The following ENOSF1 variants were observed in gnomAD, a reference collection of about 807,000 sequenced individuals.
ENOSF1 encodes the protein enolase superfamily member 1.
A neutral mutation model predicts 68.2 loss-of-function variants in ENOSF1; 73 were observed. The observed-to-expected ratio is 1.07, with a 90% CI of 0.89 to 1.30. The LOEUF is 1.30. Among genes scored for constraint, ENOSF1 ranks in the 50% most tolerant of loss-of-function variants. The pLI is 0.00. For missense variants in ENOSF1, 589 were observed against 554.5 expected, an observed-to-expected ratio of 1.06 and a Z score of -0.62; for synonymous variants, 223 against 210.4, an observed-to-expected ratio of 1.06 and a Z score of -0.52.
At chr18:666,511 A>G (rs1442957208), downstream of ENOSF1, among the ~76,000 whole-genome samples, 2 of 152,102 alleles carry the variant, frequency 1.3e-5, no homozygotes, top group African/African-American at 4.8e-5. Context: ...ACCTGTCCCT[A>G]GGAAAAGCAG....
rs2074989775 is a variant in ENOSF1, at chr18:670,494, C to A, written c.*3811G>T. 1.7e-6 allele frequency: 1 copy of A among 585,484 alleles called. No individual in the cohort carries two copies. The highest frequency in any genetic ancestry group is 3.0e-6 in the Non-Finnish European group (1 of 332,280). 36.3% of individuals were successfully genotyped at this position (585,484 alleles called of 1,614,324 possible). On this transcript the variant is annotated 3_prime_UTR_variant, in exon 16 of 16. Coordinates refer to ENST00000647584, the MANE Select transcript of ENOSF1 (RefSeq NM_017512.7). ...AGCCGTAAATGGACACCTGCAGAAA[C>A]CTTGCACCGATGGATAGTCTCCCTC...
At chr18:678,372 G>C in intron 12 of ENOSF1, 1 of 434,240 alleles carries the variant, frequency 2.3e-6, no homozygotes, top group Non-Finnish European at 4.1e-6. Context: ...ACGCAGTCAT[G>C]TTTATTCAAT....
downstream of ENOSF1, among the ~76,000 whole-genome samples, chr18:668,917 A>T (rs1264448942): frequency 6.6e-6 from 1 of 152,188 alleles, no homozygotes; most frequent in African/African-American, 2.4e-5. Flanking sequence ...CAACCCACCG[A>T]GATCTGCAAA....
chr18:664,634 G>C, the ENOSF1 span, among the ~76,000 whole-genome samples: 70,421 of 135,692 alleles, frequency 0.52, 19,551 homozygotes, highest in African/African-American at 0.75. Context: ...TGCCCATTCA[G>C]TATGATATTG....
chr18:665,127 G>A, the ENOSF1 span, among the ~76,000 whole-genome samples: 1 of 149,784 alleles, frequency 6.7e-6, no homozygotes, highest in African/African-American at 2.5e-5. Context: ...GGTAGAATTC[G>A]GCTGTGAATC....
In ENOSF1 at chr18:671,270, T is replaced by A. The variant is rs542006708; in HGVS notation, c.*3035A>T. On this transcript the variant is annotated 3_prime_UTR_variant, in exon 16 of 16. Coordinates refer to ENST00000647584, the MANE Select transcript of ENOSF1 (RefSeq NM_017512.7). ...AAAAAAATGGAAAAGCTACACTAAATTATTTTTTTAAAAAAAGCCTTGCGG... is the reference window on the plus strand; with the variant it reads ...AAAAAAATGGAAAAGCTACACTAAAATATTTTTTTAAAAAAAGCCTTGCGG... The A allele has an allele frequency of 1.6e-5, 13 of 802,774 alleles. No homozygotes were observed. The highest frequency in any genetic ancestry group is 2.8e-5 in the Non-Finnish European group (13 of 464,410). The allele number at this position is 802,774 out of a possible 1,614,324, so 49.7% of individuals were successfully genotyped here. A position where few individuals can be genotyped will look rare whatever the true frequency, so the allele number is the denominator to read the frequency against.
At chr18:686,446 A>G (rs1473036825) in intron 9 of ENOSF1, 3 of 167,308 alleles carry the variant, frequency 1.8e-5, no homozygotes, top group East Asian at 1.6e-4. Flanking sequence ...ACTCAGTGAG[A>G]GGAAGGCCAC....
In ENOSF1 at chr18:685,783, G is replaced by A. The variant is rs572195572; in HGVS notation, c.741+138C>T. On this transcript the variant is annotated intron_variant, in intron 10 of 15. Transcript: ENST00000647584. ...CCTTTGCTTATTTTTGTTTGAGCTC[G>A]CCTACTGCAAGACCACAGAAGTGTA... 680 of 683,392 alleles carry A rather than the reference G, an allele frequency of 1.0e-3. 10 individuals carry two copies. In the South Asian group the frequency reaches 0.012, roughly 12 times the overall value. 42.3% of individuals were successfully genotyped at this position (683,392 alleles called of 1,614,324 possible).
At chr18:685,431 A>G (rs535365665) in intron 10 of ENOSF1, among the ~76,000 whole-genome samples, 32 of 152,282 alleles carry the variant, frequency 2.1e-4, no homozygotes, top group African/African-American at 7.5e-4. Context: ...ATTTTAACTT[A>G]TGCAAAAAAG....
At position 674,393 on chromosome 18, in the gene ENOSF1, G is replaced by A; in HGVS notation, c.1244C>T (p.Ser415Leu). ...SYMPPKDPGYSTEMKEESVKK... is the reference protein window; with the variant it reads ...SYMPPKDPGYLTEMKEESVKK... ...TACAGATTCCTCCTTCATTTCTGTT[G>A]AGTAGCCGGGATCCTATCAAAGACC... The change falls in exon 16 of 16, where the codon TCA (serine) becomes TTA (leucine). Residue 415 changes from serine (S) to leucine (L), a missense_variant. Coordinates refer to ENST00000647584, the MANE Select transcript of ENOSF1 (RefSeq NM_017512.7). 1.9e-6 allele frequency: 3 copies of A among 1,611,290 alleles called. No homozygotes were observed. The highest frequency in any genetic ancestry group is 2.5e-6 in the Non-Finnish European group (3 of 1,178,934).
chr18:700,253 C>A (rs973315248), intron 2 of ENOSF1, among the ~76,000 whole-genome samples: 2 of 152,148 alleles, frequency 1.3e-5, no homozygotes, highest in African/African-American at 4.8e-5. Flanking sequence ...CTGGTTCAGA[C>A]ATTCATTCCC....
rs551067483 is a variant in ENOSF1 at position 697,049 on chromosome 18, G to A, written c.309+191C>T. Among the ~76,000 whole-genome samples the A allele has an allele frequency of 5.3e-4, 81 of 151,982 alleles. 2 individuals carry two copies. The South Asian group carries it at 0.012, about 22-fold the overall frequency. ...GGAGAACTGTTTGAACCCAGGAGGCGGAGGTTGCAGTGAGCCAAGATTGCA... is the reference window on the plus strand; with the variant it reads ...GGAGAACTGTTTGAACCCAGGAGGCAGAGGTTGCAGTGAGCCAAGATTGCA... On this transcript the variant is annotated intron_variant, in intron 3 of 15. Coordinates refer to ENST00000647584, the MANE Select transcript of ENOSF1 (RefSeq NM_017512.7).
At chr18:688,794 G>C (rs943436752) in intron 8 of ENOSF1, among the ~76,000 whole-genome samples, 186 bp from the exon 9 acceptor site, 1 of 152,218 alleles carries the variant, frequency 6.6e-6, no homozygotes, top group Non-Finnish European at 1.5e-5. Context: ...CTTGTAGGGT[G>C]ACTTTCTTTC....
chr18:694,432 ACCAGC>A (rs2077513370), intron 3 of ENOSF1, 98 bp from the exon 4 acceptor site: 1 of 1,098,784 alleles, frequency 9.1e-7, no homozygotes. Context: ...TGGGACCAAG[ACCAGC>A]CTGGCCAACA....
intron 5 of ENOSF1, 90 bp from the exon 6 acceptor site, chr18:691,366 G>A (rs2077150589): frequency 9.1e-7 from 1 of 1,093,584 alleles, no homozygotes; most frequent in Non-Finnish European, 1.3e-6. Context: ...TTTTTTTAGA[G>A]ACAAGGTCTC....
rs565248240 is a variant in ENOSF1 at position 693,940 on chromosome 18, A to G, written c.397-32T>C. On this transcript the variant is annotated intron_variant, in intron 4 of 15. Transcript: ENST00000647584. ...GTAAAAAAGAAAGGATTTGTAAGAC[A>G]TATGTGTAAAGTCCCCATTTTTTCC... 5 of 1,612,248 alleles carry G rather than the reference A, an allele frequency of 3.1e-6. No homozygotes were observed. The Admixed American group carries it at 5.0e-5, about 16-fold the overall frequency.
intron 1 of ENOSF1, among the ~76,000 whole-genome samples, chr18:707,984 CAAGTAG>C: frequency 6.6e-6 from 1 of 151,430 alleles, no homozygotes; most frequent in South Asian, 2.1e-4. Flanking sequence ...CTCAGCCTCC[CAAGTAG>C]CTGGGATTAC....
downstream of ENOSF1, among the ~76,000 whole-genome samples, chr18:666,911 ATGGTGATGGAGATGGT>A (rs2074830389): frequency 3.1e-5 from 2 of 65,342 alleles, 1 homozygote; most frequent in Admixed American, 4.5e-4. Context: ...GGAGATGGTG[ATGGTGATGGAGATGGT>A]GATGGTGATG....
In ENOSF1 at chr18:694,352, T is replaced by G. The variant is rs767116645; in HGVS notation, c.310-18A>C. The stretch of plus-strand genomic sequence containing the variant: ...GGACCAATCTGGTTAGGAAGCAAAG[T>G]ACAAAAGCACTTTTTAGAAATGAAA... On this transcript the variant is annotated intron_variant, in intron 3 of 15. Transcript: ENST00000647584. 1.9e-6 allele frequency: 3 copies of G among 1,612,954 alleles called. No homozygotes were observed. The South Asian group carries it at 3.3e-5, about 18-fold the overall frequency.
Sources: allele counts gnomAD v4.1 joint callset (sites outside exome capture counted in the v4.1 genomes callset), GRCh38; gene constraint gnomAD v4.1.1; transcripts MANE v1.5; gene names NCBI Gene and HGNC (gene_info 2026-07-23, HGNC 2026-07-21).